Variants in PSEN2 observed in about 807,000 individuals in gnomAD.
PSEN2 encodes presenilin-2.
A neutral mutation model predicts 49.1 loss-of-function variants in PSEN2; 32 were observed. The ratio of observed to expected loss-of-function variants is 0.65; its 90% CI spans 0.49 to 0.88. PSEN2 has a LOEUF of 0.88. Ranked by LOEUF, PSEN2 falls within the 40% of genes least tolerant of loss-of-function variation. The probability of loss-of-function intolerance (pLI) is 0.00; values close to 1 mark genes in which losing one functional copy is unlikely to be tolerated. For missense variants in PSEN2, 522 were observed against 586.9 expected, an observed-to-expected ratio of 0.89 and a Z score of 1.14; for synonymous variants, 255 against 244.0, an observed-to-expected ratio of 1.05 and a Z score of -0.42.
At chr1:226,897,931 A>G (rs1662207004), downstream of PSEN2, 1 of 154,828 alleles carries the variant, frequency 6.5e-6, no homozygotes. Context: ...TTCTGGAGGC[A>G]TGTATAAATG....
At chr1:226,875,730 C>G (rs1016607083) in intron 3 of PSEN2, among the ~76,000 whole-genome samples, 180 bp downstream of exon 3, 1 of 152,094 alleles carries the variant, frequency 6.6e-6, no homozygotes, top group Non-Finnish European at 1.5e-5. Context: ...AAAAGAAGGT[C>G]GAGGAAATTG....
At chr1:226,878,888 G>A (rs779851287) in intron 3 of PSEN2, among the ~76,000 whole-genome samples, 35 of 152,192 alleles carry the variant, frequency 2.3e-4, no homozygotes, top group Admixed American at 4.6e-4. Context: ...CTTTGTTGTG[G>A]TGCCCCTCTT....
rs202178897 is a variant in PSEN2 at position 226,885,596 on chromosome 1, G to T, written c.415G>T (p.Val139Leu). ...PSVGQRLLNS[V>L]LNTLIMISVI... ...GGTGGGCCAGCGCCTCCTCAACTCC[G>T]TGCTGAACACCCTCATCATGATCAG... is the stretch of plus-strand genomic sequence containing the variant. Residue 139 changes from valine to leucine, a missense_variant, in exon 6 of 13, where the codon GTG becomes TTG. By Grantham distance (32) the Val-to-Leu change is conservative (BLOSUM62 1). Transcript: ENST00000366783. 2 of 1,613,620 alleles carry T rather than the reference G, an allele frequency of 1.2e-6. No individual in the cohort carries two copies. The highest frequency in any genetic ancestry group is 1.7e-6 in the Non-Finnish European group (2 of 1,179,986).
chr1:226,883,804 C>G lies in PSEN2; in HGVS notation c.241C>G (p.Leu81Val), dbSNP rs1405799988. The G allele has an allele frequency of 4.3e-6, 7 of 1,614,166 alleles. No homozygotes were observed. Among genetic ancestry groups the G allele is most frequent in the Non-Finnish European group, 5.9e-6 (7 of 1,180,032 alleles). ...GCCAGGCCTGGAGGAAGAGCTGACC[C>G]TCAAATACGGAGCGAAGCACGTGAT... Reference protein sequence around the residue: ...RPPGLEEELTLKYGAKHVIML... With the variant: ...RPPGLEEELTVKYGAKHVIML... Residue 81 changes from leucine to valine, a missense_variant, in exon 5 of 13, where the codon CTC becomes GTC. Leu to Val is a conservative substitution (Grantham distance 32). Transcript: ENST00000366783.
chr1:226,898,689 C>G (rs1662226773), downstream of PSEN2: 1 of 152,226 alleles, frequency 6.6e-6, no homozygotes, highest in African/African-American at 2.4e-5. Flanking sequence ...TCTTGGCTCA[C>G]TGCAAGCTCC....
At chr1:226,878,524 G>A (rs1462141674) in intron 3 of PSEN2, among the ~76,000 whole-genome samples, 1 of 152,110 alleles carries the variant, frequency 6.6e-6, no homozygotes, top group African/African-American at 2.4e-5. Flanking sequence ...CATTTTTGTT[G>A]TGCATTGCTA....
At chr1:226,888,409 A>G (rs1464796936) in intron 7 of PSEN2, among the ~76,000 whole-genome samples, 1 of 152,140 alleles carries the variant, frequency 6.6e-6, no homozygotes, top group Non-Finnish European at 1.5e-5. Context: ...TTCATGGAGA[A>G]GGCTCTCTGT....
At chr1:226,900,277 C>T (rs1347000843), downstream of PSEN2, among the ~76,000 whole-genome samples, 2 of 152,160 alleles carry the variant, frequency 1.3e-5, no homozygotes, top group Non-Finnish European at 2.9e-5. Context: ...CCTCTGCCCC[C>T]CACCGCTGCC....
downstream of PSEN2, among the ~76,000 whole-genome samples, chr1:226,896,553 TGCAAA>T (rs1242185331): frequency 3.3e-5 from 5 of 152,134 alleles, no homozygotes; most frequent in East Asian, 9.6e-4. Flanking sequence ...AATCATGGGT[TGCAAA>T]GAGAATCTCA....
downstream of PSEN2, among the ~76,000 whole-genome samples, chr1:226,896,543 A>G (rs1662156498): frequency 6.6e-6 from 1 of 152,142 alleles, no homozygotes; most frequent in African/African-American, 2.4e-5. Context: ...TCTGTACATC[A>G]ATCATGGGTT....
At chr1:226,887,886 A>C (rs1010831753) in intron 6 of PSEN2, among the ~76,000 whole-genome samples, 1 of 152,144 alleles carries the variant, frequency 6.6e-6, no homozygotes, top group Non-Finnish European at 1.5e-5. Flanking sequence ...TCCTGTCTGC[A>C]TGCGCTGCAG....
chr1:226,887,006 G>A (rs1274586013), intron 6 of PSEN2, among the ~76,000 whole-genome samples: 1 of 152,190 alleles, frequency 6.6e-6, no homozygotes, highest in Admixed American at 6.5e-5. Flanking sequence ...CATTGCCGCT[G>A]GGAGGTTGGC....
chr1:226,896,498 T>C (rs115974666), downstream of PSEN2, among the ~76,000 whole-genome samples: 624 of 152,274 alleles, frequency 4.1e-3, 2 homozygotes, highest in African/African-American at 0.014. Context: ...CCCTGGGCAC[T>C]GTGGTGGGAG....
chr1:226,891,231 G>T (rs747265293), intron 9 of PSEN2, 47 bp from the exon 10 acceptor site: 1 of 1,570,212 alleles, frequency 6.4e-7, no homozygotes. Flanking sequence ...CCTGCAGGCA[G>T]CCACTGTTAG....
At chr1:226,880,646 A>G (rs1357844988) in intron 3 of PSEN2, 1 of 1,585,466 alleles carries the variant, frequency 6.3e-7, no homozygotes, top group South Asian at 1.1e-5. Flanking sequence ...CCCGTCTGAG[A>G]TGTTGGCAGG....
At chr1:226,880,352 A>T in intron 3 of PSEN2, 1 of 476,170 alleles carries the variant, frequency 2.1e-6, no homozygotes, top group Non-Finnish European at 3.5e-6. Context: ...ACTCCAACGT[A>T]AGTGACCAGT....
chr1:226,883,577 A>G, intron 4 of PSEN2, 128 bp from the exon 5 acceptor site: 1 of 893,916 alleles, frequency 1.1e-6, no homozygotes, highest in South Asian at 1.4e-5. Flanking sequence ...CTAGTAGCTC[A>G]TAGACTGCTC....
chr1:226,883,785 C>T lies in PSEN2; in HGVS notation c.222C>T (p.Gly74=), dbSNP rs773522773. ...GTGGGGTTCCCGGGCGGCCGCCAGG[C>T]CTGGAGGAAGAGCTGACCCTCAAAT... ...VCSGVPGRPP[G]LEEELTLKYG... Residue 74 remains glycine, a synonymous_variant, in exon 5 of 13, where the codon GGC becomes GGT. Coordinates refer to ENST00000366783, the MANE Select transcript of PSEN2 (RefSeq NM_000447.3). The T allele has an allele frequency of 1.2e-6, 2 of 1,614,154 alleles. No homozygotes were observed. The highest frequency in any genetic ancestry group is 8.5e-7 in the Non-Finnish European group (1 of 1,180,034).
intron 7 of PSEN2, among the ~76,000 whole-genome samples, chr1:226,888,477 TG>T (rs1268427233): frequency 6.6e-6 from 1 of 152,218 alleles, no homozygotes; most frequent in Non-Finnish European, 1.5e-5. Context: ...AGGCTAGGCC[TG>T]GGTACTTTCT....
Sources: gnomAD v4.1 joint callset for allele counts (sites outside exome capture counted in the v4.1 genomes callset) on GRCh38, gnomAD v4.1.1 for gene constraint, MANE v1.5 for transcripts, NCBI Gene and HGNC (gene_info 2026-07-23, HGNC 2026-07-21) for gene names.